PPP1R36: variants seen among roughly 807,000 people sequenced by gnomAD.
PPP1R36 encodes the protein chromosome 14 open reading frame 50.
PPP1R36 carries 47 observed loss-of-function variants against 53.4 expected under a neutral mutation model. The observed-to-expected ratio is 0.88, with a 90% CI of 0.70 to 1.12. The LOEUF (loss-of-function observed/expected upper bound fraction) is 1.12, where lower values mean the gene tolerates loss of function less well. Among genes scored for constraint, PPP1R36 ranks in the 50% most tolerant of loss-of-function variants. The pLI is 0.00. For synonymous variants in PPP1R36, 153 were observed against 170.5 expected (o/e 0.90, Z 0.80); for missense variants, 456 against 513.9 (o/e 0.89, Z 1.09).
intron 2 of PPP1R36, among the ~76,000 whole-genome samples, chr14:64,552,320 C>G (rs1476962878): frequency 6.6e-6 from 1 of 152,054 alleles, no homozygotes; most frequent in Non-Finnish European, 1.5e-5. Flanking sequence ...GAAATCCTAT[C>G]TCTAATAAAA....
chr14:64,559,479 G>C (rs977746016), intron 3 of PPP1R36: 12 of 152,318 alleles, frequency 7.9e-5, no homozygotes, highest in African/African-American at 2.9e-4. Flanking sequence ...CCAGTGGACA[G>C]AGGAGACAGA....
intron 3 of PPP1R36, among the ~76,000 whole-genome samples, chr14:64,553,442 G>A (rs2080114094): frequency 6.6e-6 from 1 of 152,034 alleles, no homozygotes; most frequent in African/African-American, 2.4e-5. Context: ...TTAAACTGTG[G>A]TTTGATTTGA....
At chr14:64,578,312 C>T (rs1321988818) in intron 8 of PPP1R36, among the ~76,000 whole-genome samples, 2 of 152,208 alleles carry the variant, frequency 1.3e-5, no homozygotes, top group Non-Finnish European at 2.9e-5. Context: ...CAGCTTTCTA[C>T]AGCCTGTTGT....
chr14:64,550,875 A>G (rs370067091), intron 1 of PPP1R36, 46 bp from the exon 2 acceptor site: 10 of 1,414,712 alleles, frequency 7.1e-6, no homozygotes, highest in Non-Finnish European at 9.9e-6. Flanking sequence ...TATGGATTGT[A>G]AATTGAGCTT....
intron 3 of PPP1R36, among the ~76,000 whole-genome samples, chr14:64,554,018 C>A (rs2080121657): frequency 6.6e-6 from 1 of 151,726 alleles, no homozygotes; most frequent in African/African-American, 2.4e-5. Context: ...TTACCTTGGG[C>A]ATCTACCTGC....
rs138901715 is a variant in PPP1R36, at chr14:64,588,151, G to T, written c.938G>T (p.Arg313Leu). 2.5e-6 allele frequency: 4 copies of T among 1,612,072 alleles called. No homozygotes were observed. Among genetic ancestry groups the T allele is most frequent in the Non-Finnish European group, 3.4e-6 (4 of 1,178,878 alleles). Residue 313 changes from arginine (R) to leucine (L), a missense_variant, in exon 11 of 12, where the codon CGT becomes CTT. Physicochemically the swap from Arg to Leu is moderately radical, Grantham distance 102. Transcript: ENST00000298705. ...GCAATTAAAAAAGCTATCAACATGC[G>T]TTCTCCAGTCATGTCTACTCTGCTG... is the stretch of plus-strand genomic sequence containing the variant. Reference protein sequence around the residue: ...RPAIKKAINMRSPVMSTLLPS... With the variant: ...RPAIKKAINMLSPVMSTLLPS...
intron 2 of PPP1R36, among the ~76,000 whole-genome samples, chr14:64,552,132 A>G (rs890708992): frequency 6.6e-6 from 1 of 152,196 alleles, no homozygotes; most frequent in African/African-American, 2.4e-5. Context: ...ATTGGCTCCT[A>G]GGTGTCTGAC....
In PPP1R36 at chr14:64,568,442, T is replaced by C. The variant is rs373548704; in HGVS notation, c.528T>C (p.Tyr176=). Residue 176 remains tyrosine, a synonymous_variant, in exon 7 of 12, where the codon TAT becomes TAC. Transcript: ENST00000298705. ...CACTGGAAAAGAAACCCAAAAGCTA[T>C]ATGGTGTAAGTAAGATTTTATAGTG... ...KNSLEKKPKS[Y]MVGLVEKKEM... 5 of 1,478,712 alleles carry C rather than the reference T, an allele frequency of 3.4e-6. No individual in the cohort carries two copies. Among genetic ancestry groups the C allele is most frequent in the African/African-American group, 1.4e-5 (1 of 71,228 alleles). 91.6% of individuals were successfully genotyped at this position (1,478,712 alleles called of 1,614,324 possible). A position where few individuals can be genotyped will look rare whatever the true frequency, so the allele number is the denominator to read the frequency against.
Position 64,550,370 on chromosome 14 carries a change from C to G in PPP1R36, c.69+304C>G, listed in dbSNP as rs1044310036. The G allele has an allele frequency of 4.2e-6, 4 of 961,698 alleles. No homozygotes were observed. In the African/African-American group the frequency reaches 6.9e-5, roughly 17 times the overall value. 59.6% of individuals were successfully genotyped at this position (961,698 alleles called of 1,614,324 possible). A position where few individuals can be genotyped will look rare whatever the true frequency, so the allele number is the denominator to read the frequency against. ...GGGAGACCTACTGCGGGGGAAGCAGCCCCGCTCTGGATAGAAAGGCTGGTG... is the reference window on the plus strand; with the variant it reads ...GGGAGACCTACTGCGGGGGAAGCAGGCCCGCTCTGGATAGAAAGGCTGGTG... On this transcript the variant is annotated intron_variant, in intron 1 of 11. Transcript: ENST00000298705.
intron 8 of PPP1R36, among the ~76,000 whole-genome samples, chr14:64,579,827 G>A (rs1326488644): frequency 3.3e-5 from 5 of 152,122 alleles, no homozygotes; most frequent in South Asian, 2.1e-4. Context: ...AAAATTAGCC[G>A]GGCGTGGTGG....
intron 3 of PPP1R36, among the ~76,000 whole-genome samples, chr14:64,559,795 T>A (rs1410106451): frequency 6.6e-6 from 1 of 152,112 alleles, no homozygotes; most frequent in Non-Finnish European, 1.5e-5. Context: ...AGCAGAGAAG[T>A]CACCTGTGAT....
At chr14:64,553,546 C>A (rs1381137864) in intron 3 of PPP1R36, among the ~76,000 whole-genome samples, 1 of 151,954 alleles carries the variant, frequency 6.6e-6, no homozygotes, top group Non-Finnish European at 1.5e-5. Context: ...AGAGGCCAGA[C>A]ACAAAAATGT....
intron 3 of PPP1R36, chr14:64,561,746 C>G (rs1193299308): frequency 2.2e-6 from 1 of 455,850 alleles, no homozygotes; most frequent in South Asian, 1.6e-5. Context: ...AGACTTTTCT[C>G]TCTGACATAG....
intron 7 of PPP1R36, 69 bp from the exon 8 acceptor site, chr14:64,574,386 T>G: frequency 6.8e-7 from 1 of 1,463,184 alleles, no homozygotes; most frequent in Non-Finnish European, 9.3e-7. Flanking sequence ...TAATTCTGAC[T>G]TTTTGCTAGT....
chr14:64,568,377 G>A lies in PPP1R36; in HGVS notation c.463G>A (p.Ala155Thr), dbSNP rs148437276. The A allele has an allele frequency of 6.5e-7, 1 of 1,545,868 alleles. No homozygotes were observed. Among genetic ancestry groups the A allele is most frequent in the Non-Finnish European group, 8.8e-7 (1 of 1,138,174 alleles). Residue 155 changes from alanine (A) to threonine (T), a missense_variant, in exon 7 of 12, where the codon GCA becomes ACA. Coordinates refer to ENST00000298705, the MANE Select transcript of PPP1R36 (RefSeq NM_172365.3). ...RNKNLDNFLM[A>T]LLYYLSHYLE... is the part of the protein sequence containing the mutation. ...TAAGAATCTTGATAATTTCCTCATG[G>A]CATTATTGTACTACTTATCCCATTA...
At chr14:64,568,869 T>C (rs1354743534) in intron 7 of PPP1R36, among the ~76,000 whole-genome samples, 1 of 152,156 alleles carries the variant, frequency 6.6e-6, no homozygotes, top group Non-Finnish European at 1.5e-5. Context: ...CTGGTGTCTA[T>C]TTTATACCTA....
intron 3 of PPP1R36, among the ~76,000 whole-genome samples, chr14:64,554,589 T>C (rs2080132062): frequency 6.6e-6 from 1 of 152,144 alleles, no homozygotes; most frequent in Admixed American, 6.5e-5. Flanking sequence ...ACTGGAGACT[T>C]TTGTTACTCC....
At chr14:64,550,432 T>A in intron 1 of PPP1R36, 1 of 389,748 alleles carries the variant, frequency 2.6e-6, no homozygotes, top group East Asian at 8.3e-5. Context: ...TGTACTTAAC[T>A]TTTTGCCACT....
intron 8 of PPP1R36, among the ~76,000 whole-genome samples, chr14:64,583,955 C>T (rs1333263454): frequency 2.9e-5 from 4 of 137,446 alleles, no homozygotes; most frequent in African/African-American, 1.1e-4. Flanking sequence ...GGCTGGAGTG[C>T]AGTGACGTGA....
Sources: gnomAD v4.1 joint callset for allele counts (sites outside exome capture counted in the v4.1 genomes callset) on GRCh38, gnomAD v4.1.1 for gene constraint, MANE v1.5 for transcripts, NCBI Gene and HGNC (gene_info 2026-07-23, HGNC 2026-07-21) for gene names.